PCDHGA7: variants seen among roughly 807,000 people sequenced by gnomAD.
The protein encoded by PCDHGA7 is protocadherin gamma subfamily A, 7.
A neutral mutation model predicts 58.3 loss-of-function variants in PCDHGA7; 44 were observed. The observed-to-expected ratio is 0.75, with a 90% CI of 0.59 to 0.97. The LOEUF (loss-of-function observed/expected upper bound fraction) is 0.97. Among genes scored for constraint, PCDHGA7 ranks in the 50% least tolerant of loss-of-function variants. PCDHGA7 has a pLI of 0.00. For synonymous variants in PCDHGA7, 516 were observed against 504.2 expected, an observed-to-expected ratio of 1.02 and a Z score of -0.31; for missense variants, 1,266 against 1,188.7, an observed-to-expected ratio of 1.06 and a Z score of -0.96.
intron 2 of PCDHGA7, among the ~76,000 whole-genome samples, chr5:141,501,821 G>A (rs910825533): frequency 1.3e-5 from 2 of 152,028 alleles, no homozygotes; most frequent in Non-Finnish European, 2.9e-5. Context: ...ATAATTGGCA[G>A]CCCACCCACC....
At position 141,489,074 on chromosome 5, in the gene PCDHGA7, C is replaced by A; in HGVS notation, c.2425-5733C>A. On this transcript the variant is annotated intron_variant, in intron 1 of 3. Coordinates refer to ENST00000518325, the MANE Select transcript of PCDHGA7 (RefSeq NM_018920.4). The surrounding 1 kb of genome is among the most constrained non-coding windows in gnomAD (Gnocchi z 4.5). ...TTCAGCTCCCCTCCCCCCTGCCCAC[C>A]CCCGCCACTCGGTGACTAAGAACTG... 9.4e-6 allele frequency: 3 copies of A among 320,798 alleles called. No individual in the cohort carries two copies. The highest frequency in any genetic ancestry group is 1.7e-5 in the Non-Finnish European group (3 of 177,744). 19.9% of individuals were successfully genotyped at this position (320,798 alleles called of 1,614,324 possible). A position where few individuals can be genotyped will look rare whatever the true frequency, so the allele number is the denominator to read the frequency against.
At position 141,486,720 on chromosome 5, in the gene PCDHGA7, C is replaced by G; in HGVS notation, c.2425-8087C>G. ...ATCTCTCTGAACCCCCAGACAGGAG[C>G]TGTTCATGCTACTCGATCCTTTGAC... On this transcript the variant is annotated intron_variant, in intron 1 of 3. Coordinates refer to ENST00000518325, the MANE Select transcript of PCDHGA7 (RefSeq NM_018920.4). This position sits in a 1 kb window ranked among gnomAD's most constrained non-coding sequence, Gnocchi z 5.0. The G allele has an allele frequency of 6.2e-7, 1 of 1,614,216 alleles. No homozygotes were observed. Among genetic ancestry groups the G allele is most frequent in the Non-Finnish European group, 8.5e-7 (1 of 1,180,038 alleles).
intron 1 of PCDHGA7, chr5:141,394,693 G>T (rs1310404999): frequency 1.2e-6 from 2 of 1,612,890 alleles, no homozygotes; most frequent in African/African-American, 1.3e-5. Context: ...GGCGAGGTGC[G>T]CACGGCGCGA....
intron 1 of PCDHGA7, chr5:141,405,487 T>G (rs750718741): frequency 4.3e-6 from 4 of 924,990 alleles, no homozygotes; most frequent in Non-Finnish European, 6.4e-6. Context: ...TGGTGTGATC[T>G]CGGCTCATTG....
intron 1 of PCDHGA7, chr5:141,395,493 A>T: frequency 2.0e-6 from 1 of 490,474 alleles, no homozygotes; most frequent in Non-Finnish European, 3.5e-6. Context: ...ATTATCACTC[A>T]TTCACTTAAG....
chr5:141,502,179 A>C (rs1403845758), intron 2 of PCDHGA7, among the ~76,000 whole-genome samples: 3 of 152,218 alleles, frequency 2.0e-5, no homozygotes, highest in African/African-American at 7.2e-5. Context: ...GGAATTTAAC[A>C]TTAATACAAT....
chr5:141,478,382 C>A (rs1287807889), intron 1 of PCDHGA7: 2 of 1,613,552 alleles, frequency 1.2e-6, no homozygotes, highest in South Asian at 2.2e-5. Flanking sequence ...GTCGCCGCAC[C>A]TTTACCATCA....
chr5:141,413,910 C>T, intron 1 of PCDHGA7: 1 of 1,613,376 alleles, frequency 6.2e-7, no homozygotes, highest in Non-Finnish European at 8.5e-7. Flanking sequence ...ACGCGCCGGT[C>T]TTCACCTTGC....
Position 141,477,920 on chromosome 5 carries a change from C to A in PCDHGA7, c.2425-16887C>A, listed in dbSNP as rs755219711. ...GGTAGGCTGGGACGCGGATGCAGGGCACAATGCCTGGCTCTCCTACAGTCT... is the reference window on the plus strand; with the variant it reads ...GGTAGGCTGGGACGCGGATGCAGGGAACAATGCCTGGCTCTCCTACAGTCT... On this transcript the variant is annotated intron_variant, in intron 1 of 3. Transcript: ENST00000518325. The surrounding 1 kb of genome is among the most constrained non-coding windows in gnomAD (Gnocchi z 4.9). The A allele has an allele frequency of 6.2e-7, 1 of 1,614,180 alleles. No individual in the cohort carries two copies. The highest frequency in any genetic ancestry group is 8.5e-7 in the Non-Finnish European group (1 of 1,180,038).
Position 141,491,009 on chromosome 5 carries a change from C to A in PCDHGA7, c.2425-3798C>A. On this transcript the variant is annotated intron_variant, in intron 1 of 3. Transcript: ENST00000518325. This position sits in a 1 kb window ranked among gnomAD's most constrained non-coding sequence, Gnocchi z 6.9. ...TCTGCTCCTCCTGGCTCCTTGGTCA[C>A]CAAGGTGACAGCCGTGGATGCTGAT... 4 of 1,614,140 alleles carry A rather than the reference C, an allele frequency of 2.5e-6. No homozygotes were observed. Among genetic ancestry groups the A allele is most frequent in the Non-Finnish European group, 3.4e-6 (4 of 1,180,038 alleles).
At chr5:141,404,161 ATTG>A in intron 1 of PCDHGA7, 1 of 1,613,152 alleles carries the variant, frequency 6.2e-7, no homozygotes, top group South Asian at 1.1e-5. Context: ...ATTATTACAG[ATTG>A]TTGACGGCCC....
At chr5:141,501,583 T>C (rs1270487304) in intron 2 of PCDHGA7, among the ~76,000 whole-genome samples, 1 of 152,054 alleles carries the variant, frequency 6.6e-6, no homozygotes, top group Non-Finnish European at 1.5e-5. Context: ...GGCTTTCAGG[T>C]TGCAACTCTA....
chr5:141,475,989 A>G, intron 1 of PCDHGA7: 1 of 1,130,622 alleles, frequency 8.8e-7, no homozygotes, highest in Non-Finnish European at 1.3e-6. Flanking sequence ...CCGGCGAGCA[A>G]ATCAACGGCA....
intron 1 of PCDHGA7, chr5:141,423,558 G>T: frequency 1.2e-6 from 2 of 1,613,580 alleles, no homozygotes; most frequent in Non-Finnish European, 1.7e-6. Context: ...CCAACTATGG[G>T]GACACGCTCA....
chr5:141,392,897 G>T (rs2150498343), intron 1 of PCDHGA7: 6 of 1,613,776 alleles, frequency 3.7e-6, no homozygotes, highest in Non-Finnish European at 5.1e-6. Flanking sequence ...AAATCGGGAG[G>T]GGACAGATTC....
chr5:141,469,756 A>G (rs2099210350), intron 1 of PCDHGA7, among the ~76,000 whole-genome samples: 1 of 152,252 alleles, frequency 6.6e-6, no homozygotes. Context: ...ACAAAAATAC[A>G]TATATACCAG....
intron 1 of PCDHGA7, chr5:141,418,009 C>G (rs780624400): frequency 6.2e-7 from 1 of 1,613,776 alleles, no homozygotes; most frequent in African/African-American, 1.3e-5. Context: ...TGGGGAACCT[C>G]GCTAAGGATC....
intron 1 of PCDHGA7, chr5:141,414,156 T>TCTC (rs1462369810): frequency 6.2e-7 from 1 of 1,601,848 alleles, no homozygotes; most frequent in Admixed American, 1.7e-5. Flanking sequence ...AAGCAGAAGA[T>TCTC]GGAGGAGCAT....
Position 141,384,134 on chromosome 5 carries a change from G to A in PCDHGA7, c.1235G>A (p.Arg412Gln), listed in dbSNP as rs746106528. The change falls in exon 1 of 4, where the codon CGG becomes CAG. Residue 412 changes from arginine to glutamine, a missense_variant. Arg to Gln is a conservative substitution (Grantham distance 43). Coordinates refer to ENST00000518325, the MANE Select transcript of PCDHGA7 (RefSeq NM_018920.4). ...YRLVTTKNLD[R>Q]ETLSLYNITL... is the part of the protein sequence containing the mutation. ...TTGGTCACAACCAAAAACTTGGACC[G>A]GGAAACACTCTCTTTGTATAACATC... is the stretch of plus-strand genomic sequence containing the variant. 1 of 1,611,962 alleles carries A rather than the reference G, an allele frequency of 6.2e-7. No individual in the cohort carries two copies. Among genetic ancestry groups the A allele is most frequent in the Admixed American group, 1.7e-5 (1 of 59,728 alleles).
Sources: gnomAD v4.1 joint callset for allele counts (sites outside exome capture counted in the v4.1 genomes callset) on GRCh38, gnomAD v4.1.1 for gene constraint, Gnocchi (gnomAD v3.1) non-coding constraint, MANE v1.5 for transcripts, NCBI Gene and HGNC (gene_info 2026-07-23, HGNC 2026-07-21) for gene names.